TGFBR1: variants seen among roughly 807,000 people sequenced by gnomAD.
The protein encoded by TGFBR1 is TGF-beta receptor type-1.
Under a neutral mutation model 55.1 loss-of-function variants are expected in TGFBR1, and 20 were observed. That is an observed-to-expected ratio of 0.36 (90% confidence interval 0.26 to 0.53). The LOEUF is 0.53. Ranked by LOEUF, TGFBR1 falls within the 20% of genes least tolerant of loss-of-function variation. TGFBR1 has a pLI of 0.91. For missense variants in TGFBR1, 385 were observed against 617.6 expected (o/e 0.62, Z 3.99); for synonymous variants, 220 against 214.8 (o/e 1.02, Z -0.21).
chr9:99,104,750 G>T (rs968450823), upstream of TGFBR1, among the ~76,000 whole-genome samples: 11 of 152,106 alleles, frequency 7.2e-5, no homozygotes, highest in African/African-American at 2.7e-4. Flanking sequence ...AGCGTCGAAC[G>T]GCCACAGCCT....
chr9:99,143,806 C>G (rs542329518), intron 5 of TGFBR1, among the ~76,000 whole-genome samples: 51 of 152,332 alleles, frequency 3.3e-4, no homozygotes, highest in Non-Finnish European at 2.9e-5. Flanking sequence ...CAGTCACTCC[C>G]CTTTCCTCCC....
rs1828004395 is a variant in TGFBR1 at position 99,152,449 on chromosome 9, C to T, written c.*3144C>T. On this transcript the variant is annotated 3_prime_UTR_variant, in exon 9 of 9. Coordinates refer to ENST00000374994, the MANE Select transcript of TGFBR1 (RefSeq NM_004612.4). ...TCAAGAAGTGCCTTGAGTTGGTGTA[C>T]AGTGCCATGGCCATCAAGAATCCCA... 1 of 230,064 alleles carries T rather than the reference C, an allele frequency of 4.3e-6. No individual in the cohort carries two copies. The highest frequency in any genetic ancestry group is 6.1e-5 in the East Asian group (1 of 16,266). 14.3% of individuals were successfully genotyped at this position (230,064 alleles called of 1,614,324 possible).
intron 3 of TGFBR1, among the ~76,000 whole-genome samples, chr9:99,134,375 A>C (rs1040736670): frequency 6.6e-6 from 1 of 152,186 alleles, no homozygotes; most frequent in East Asian, 1.9e-4. Flanking sequence ...AAGGAAGACA[A>C]TGAGAGTTTG....
chr9:99,144,481 T>C (rs1240518702), intron 5 of TGFBR1, among the ~76,000 whole-genome samples: 2 of 152,200 alleles, frequency 1.3e-5, no homozygotes, highest in East Asian at 3.8e-4. Context: ...ATAACTTTTT[T>C]TTTGCCCCAG....
intron 1 of TGFBR1, among the ~76,000 whole-genome samples, chr9:99,127,117 A>G (rs1236521139): frequency 6.6e-6 from 1 of 152,182 alleles, no homozygotes; most frequent in East Asian, 1.9e-4. Context: ...TATTACAGCA[A>G]AACCATACAG....
intron 1 of TGFBR1, among the ~76,000 whole-genome samples, chr9:99,108,096 A>G (rs1053885270): frequency 2.0e-5 from 3 of 152,202 alleles, no homozygotes; most frequent in South Asian, 2.1e-4. Flanking sequence ...TTTATATTCT[A>G]TTCCACATAA....
chr9:99,132,949 C>A (rs760142090), intron 3 of TGFBR1, among the ~76,000 whole-genome samples: 12 of 152,118 alleles, frequency 7.9e-5, no homozygotes, highest in African/African-American at 2.2e-4. Context: ...ACTGTTAAAG[C>A]GAATCAATAA....
At chr9:99,111,279 A>G (rs1464800143) in intron 1 of TGFBR1, among the ~76,000 whole-genome samples, 1 of 142,374 alleles carries the variant, frequency 7.0e-6, no homozygotes, top group Non-Finnish European at 1.5e-5. Context: ...AACATTTGGC[A>G]TATCCTGCAC....
At chr9:99,139,414 G>A (rs539621972) in intron 4 of TGFBR1, among the ~76,000 whole-genome samples, 1 of 151,348 alleles carries the variant, frequency 6.6e-6, no homozygotes, top group East Asian at 1.9e-4. Context: ...GCTTTTTTTT[G>A]TTATTGACTT....
At chr9:99,111,399 T>C (rs1165861509) in intron 1 of TGFBR1, among the ~76,000 whole-genome samples, 1 of 142,248 alleles carries the variant, frequency 7.0e-6, no homozygotes, top group Non-Finnish European at 1.5e-5. Context: ...GAGGCCGAAG[T>C]GGGCGAATCA....
intron 1 of TGFBR1, among the ~76,000 whole-genome samples, chr9:99,121,909 A>G (rs183714780): frequency 6.6e-6 from 1 of 152,298 alleles, no homozygotes; most frequent in East Asian, 1.9e-4. Context: ...TTAAAATACA[A>G]GCTTGGAGCA....
At chr9:99,140,173 G>A (rs1007876735) in intron 4 of TGFBR1, among the ~76,000 whole-genome samples, 3 of 152,112 alleles carry the variant, frequency 2.0e-5, no homozygotes, top group Admixed American at 6.5e-5. Flanking sequence ...AAAACAGGCC[G>A]GGCACAGTGG....
intron 1 of TGFBR1, among the ~76,000 whole-genome samples, chr9:99,125,486 T>C (rs1201791954): frequency 6.6e-6 from 1 of 152,258 alleles, no homozygotes; most frequent in East Asian, 1.9e-4. Context: ...AGGACCCATA[T>C]AGCACTTGCA....
intron 2 of TGFBR1, among the ~76,000 whole-genome samples, chr9:99,131,945 G>T (rs1827239135): frequency 6.6e-6 from 1 of 150,396 alleles, no homozygotes; most frequent in Non-Finnish European, 1.5e-5. Flanking sequence ...TCCAGCCTGG[G>T]CAACAAGAGT....
intron 4 of TGFBR1, 126 bp from the exon 5 acceptor site, chr9:99,142,410 T>G: frequency 1.0e-6 from 1 of 1,003,082 alleles, no homozygotes; most frequent in Non-Finnish European, 1.5e-6. Context: ...GTGAAGGAAA[T>G]ACAGACTTAA....
chr9:99,136,450 T>C (rs1027744107), intron 3 of TGFBR1, among the ~76,000 whole-genome samples: 1 of 152,212 alleles, frequency 6.6e-6, no homozygotes, highest in African/African-American at 2.4e-5. Flanking sequence ...TACTTTTAAG[T>C]CTGTGGTGTG....
rs1277554489 is a variant in TGFBR1 at position 99,108,039 on chromosome 9, A to T, written c.97+2737A>T. Among the ~76,000 whole-genome samples the T allele has an allele frequency of 2.0e-5, 3 of 152,202 alleles. No individual in the cohort carries two copies. In the East Asian group the frequency reaches 5.8e-4, roughly 29 times the overall value. On this transcript the variant is annotated intron_variant, in intron 1 of 8. Transcript: ENST00000374994. The stretch of plus-strand genomic sequence containing the variant: ...GCGTTATAGGTACCCAGAGGACAAG[A>T]TTCATGCCATTTCTTTCTTTTGTGG...
intron 1 of TGFBR1, among the ~76,000 whole-genome samples, chr9:99,126,120 A>G (rs775612174): frequency 1.3e-5 from 2 of 152,224 alleles, no homozygotes; most frequent in African/African-American, 4.8e-5. Flanking sequence ...GATGAGTCAG[A>G]TAAGAAGATA....
chr9:99,142,417 TTA>T, intron 4 of TGFBR1, 117 bp from the exon 5 acceptor site: 1 of 1,067,916 alleles, frequency 9.4e-7, no homozygotes, highest in Non-Finnish European at 1.4e-6. Context: ...AAATACAGAC[TTA>T]AGGTGGCATT....
Sources: gnomAD v4.1 joint callset for allele counts (sites outside exome capture counted in the v4.1 genomes callset) on GRCh38, gnomAD v4.1.1 for gene constraint, MANE v1.5 for transcripts, NCBI Gene and HGNC (gene_info 2026-07-23, HGNC 2026-07-21) for gene names.